The following GRIN2B variants were observed in gnomAD, a reference collection of about 807,000 sequenced individuals.
GRIN2B encodes glutamate receptor ionotropic, NMDA 2B.
GRIN2B carries 5 observed loss-of-function variants against 114.5 expected under a neutral mutation model. The observed-to-expected ratio is 0.04, with a 90% CI of 0.02 to 0.09. The LOEUF is 0.09. Ranked by LOEUF, GRIN2B falls within the 10% of genes least tolerant of loss-of-function variation. The pLI, the probability that GRIN2B is intolerant of heterozygous loss-of-function variation, is 1.00. For synonymous variants in GRIN2B, 787 were observed against 745.1 expected, an observed-to-expected ratio of 1.06 and a Z score of -0.92; for missense variants, 1,108 against 1,943.5, an observed-to-expected ratio of 0.57 and a Z score of 8.08.
intron 2 of GRIN2B, among the ~76,000 whole-genome samples, chr12:13,891,859 C>T (rs1407186653): frequency 6.6e-6 from 1 of 152,170 alleles, no homozygotes; most frequent in African/African-American, 2.4e-5. Context: ...AGAAGCCAAT[C>T]AAATTCAAAA....
intron 2 of GRIN2B, among the ~76,000 whole-genome samples, chr12:13,946,249 T>A (rs1480013593): frequency 6.6e-6 from 1 of 152,182 alleles, no homozygotes; most frequent in Non-Finnish European, 1.5e-5. Context: ...TTACAAAGTA[T>A]ATAATTTCTG....
At chr12:13,856,019 G>A (rs1033044176) in intron 3 of GRIN2B, among the ~76,000 whole-genome samples, 1 of 152,172 alleles carries the variant, frequency 6.6e-6, no homozygotes, top group Non-Finnish European at 1.5e-5. Flanking sequence ...AACAAGACAG[G>A]TTACAATAAA....
intron 2 of GRIN2B, among the ~76,000 whole-genome samples, chr12:13,947,047 A>G (rs1867374093): frequency 6.6e-6 from 1 of 152,198 alleles, no homozygotes; most frequent in Non-Finnish European, 1.5e-5. Context: ...TCTCTAGCAG[A>G]TGGATTTTAG....
At chr12:13,938,447 G>A (rs987927037) in intron 2 of GRIN2B, among the ~76,000 whole-genome samples, 6 of 152,166 alleles carry the variant, frequency 3.9e-5, no homozygotes, top group Admixed American at 6.5e-5. Context: ...ATATTTGAAT[G>A]TAAATGTCCT....
chr12:13,803,522 A>C (rs1864551582), intron 3 of GRIN2B, among the ~76,000 whole-genome samples: 1 of 152,178 alleles, frequency 6.6e-6, no homozygotes, highest in Non-Finnish European at 1.5e-5. Flanking sequence ...CTTGCCATCT[A>C]ACTAGTCTAT....
intron 3 of GRIN2B, among the ~76,000 whole-genome samples, chr12:13,813,775 A>T (rs1332816192): frequency 1.3e-5 from 2 of 152,222 alleles, no homozygotes; most frequent in Non-Finnish European, 2.9e-5. Context: ...TCCTTTTTTG[A>T]ATTGAGTCCA....
At chr12:13,701,549 C>T (rs1950313061) in intron 4 of GRIN2B, among the ~76,000 whole-genome samples, 1 of 151,330 alleles carries the variant, frequency 6.6e-6, no homozygotes, top group African/African-American at 2.4e-5. Flanking sequence ...ACAGACAGTT[C>T]CTGCCACCAC....
chr12:13,873,938 G>T (rs1774984061), intron 2 of GRIN2B, among the ~76,000 whole-genome samples: 1 of 152,188 alleles, frequency 6.6e-6, no homozygotes, highest in Non-Finnish European at 1.5e-5. Context: ...GAAAATATTT[G>T]ATCAGAGAAG....
intron 3 of GRIN2B, among the ~76,000 whole-genome samples, chr12:13,773,188 G>A (rs1279953271): frequency 6.6e-6 from 1 of 152,196 alleles, no homozygotes; most frequent in Non-Finnish European, 1.5e-5. Context: ...AAGGAACTGC[G>A]AGTCTTTATG....
At chr12:13,972,782 T>C (rs1373729812) in intron 2 of GRIN2B, among the ~76,000 whole-genome samples, 1 of 152,244 alleles carries the variant, frequency 6.6e-6, no homozygotes, top group Non-Finnish European at 1.5e-5. Flanking sequence ...ATTGTTCTAT[T>C]ATCCTGTGCC....
At chr12:13,568,324 C>T (rs1261595290) in intron 12 of GRIN2B, among the ~76,000 whole-genome samples, 1 of 152,144 alleles carries the variant, frequency 6.6e-6, no homozygotes, top group Non-Finnish European at 1.5e-5. Context: ...GAGAAAATTG[C>T]CTATTCCCAT....
intron 2 of GRIN2B, among the ~76,000 whole-genome samples, chr12:13,888,965 C>A (rs1250568532): frequency 6.6e-6 from 1 of 152,018 alleles, no homozygotes; most frequent in Admixed American, 6.6e-5. Context: ...TTAAGAGTTT[C>A]TTCAGTAATA....
At chr12:13,605,551 T>TCTCTCTCTCTCTCACACA in intron 10 of GRIN2B, among the ~76,000 whole-genome samples, 16 of 30,486 alleles carry the variant, frequency 5.2e-4, no homozygotes, top group South Asian at 1.3e-3. Flanking sequence ...TCTCTCTCTC[T>TCTCTCTCTCTCTCACACA]GACACACACA....
intron 2 of GRIN2B, among the ~76,000 whole-genome samples, chr12:13,901,527 T>C (rs1420006428): frequency 1.3e-5 from 2 of 152,112 alleles, no homozygotes; most frequent in East Asian, 1.9e-4. Context: ...GAAATGTGGC[T>C]AGTGAGAATA....
At chr12:13,842,675 T>C (rs936926165) in intron 3 of GRIN2B, among the ~76,000 whole-genome samples, 1 of 152,322 alleles carries the variant, frequency 6.6e-6, no homozygotes, top group East Asian at 1.9e-4. Flanking sequence ...GATGAAATTA[T>C]CAAAATGTTG....
intron 3 of GRIN2B, among the ~76,000 whole-genome samples, chr12:13,776,214 G>A (rs905836751): frequency 2.6e-5 from 4 of 152,066 alleles, no homozygotes; most frequent in African/African-American, 9.7e-5. Context: ...TTATAAGTAG[G>A]AGCTGAATTA....
At chr12:13,638,015 C>G (rs529662260) in intron 5 of GRIN2B, among the ~76,000 whole-genome samples, 1 of 152,284 alleles carries the variant, frequency 6.6e-6, no homozygotes, top group African/African-American at 2.4e-5. Flanking sequence ...AGATTTCTCA[C>G]TCAAGTGGAA....
intron 3 of GRIN2B, among the ~76,000 whole-genome samples, chr12:13,822,771 A>T (rs1864962489): frequency 7.5e-6 from 1 of 133,518 alleles, no homozygotes. Context: ...CAATCTTTTG[A>T]TATAGGAACA....
chr12:13,886,043 G>A (rs1866151571), intron 2 of GRIN2B, among the ~76,000 whole-genome samples: 1 of 152,088 alleles, frequency 6.6e-6, no homozygotes, highest in Non-Finnish European at 1.5e-5. Flanking sequence ...CTGATTAGAA[G>A]AGTGCAAAAA....
Sources: allele counts gnomAD v4.1 joint callset (sites outside exome capture counted in the v4.1 genomes callset), GRCh38; gene constraint gnomAD v4.1.1; transcripts MANE v1.5; gene names NCBI Gene and HGNC (gene_info 2026-07-23, HGNC 2026-07-21).